GLIS3: variants seen among roughly 807,000 people sequenced by gnomAD.
The protein encoded by GLIS3 is GLIS family zinc finger 3.
A neutral mutation model predicts 78.6 loss-of-function variants in GLIS3; 53 were observed. That is an observed-to-expected ratio of 0.67 (90% CI 0.54 to 0.85). GLIS3 has a LOEUF of 0.85. Among genes scored for constraint, GLIS3 ranks in the 40% least tolerant of loss-of-function variants. The pLI, the probability that GLIS3 is intolerant of heterozygous loss-of-function variation, is 0.00. For synonymous variants in GLIS3, 684 were observed against 509.9 expected (o/e 1.34, Z -4.60); for missense variants, 1,703 against 1,231.1 (o/e 1.38, Z -5.74).
intron 4 of GLIS3, among the ~76,000 whole-genome samples, chr9:3,993,955 C>A (rs540539342): frequency 6.6e-6 from 1 of 152,108 alleles, no homozygotes; most frequent in Non-Finnish European, 1.5e-5. Context: ...CCAGGCTTCC[C>A]AGGAGCAGTC....
intron 2 of GLIS3, among the ~76,000 whole-genome samples, chr9:4,155,520 T>C (rs1024863819): frequency 2.0e-5 from 3 of 152,240 alleles, no homozygotes; most frequent in Non-Finnish European, 4.4e-5. Flanking sequence ...CTCAAAACGT[T>C]TGTGCCTTCA....
At chr9:4,402,078 G>C in the GLIS3 span, among the ~76,000 whole-genome samples, 3 of 152,172 alleles carry the variant, frequency 2.0e-5, no homozygotes, top group Non-Finnish European at 4.4e-5. Flanking sequence ...GTCTTAAAAG[G>C]AAAGGCCTTG....
intron 2 of GLIS3, among the ~76,000 whole-genome samples, chr9:4,263,483 G>C (rs185679736): frequency 3.1e-4 from 47 of 149,306 alleles, no homozygotes; most frequent in Admixed American, 1.8e-3. Flanking sequence ...GAAAAATAAA[G>C]TCTAAGACAA....
intron 4 of GLIS3, among the ~76,000 whole-genome samples, chr9:3,952,840 TA>T (rs1816793011): frequency 2.6e-5 from 4 of 152,068 alleles, no homozygotes; most frequent in South Asian, 4.2e-4. Flanking sequence ...GCTACATTTC[TA>T]AAAAAAACTC....
At chr9:4,105,276 G>C (rs1314559955) in intron 4 of GLIS3, among the ~76,000 whole-genome samples, 1 of 152,138 alleles carries the variant, frequency 6.6e-6, no homozygotes, top group Non-Finnish European at 1.5e-5. Flanking sequence ...CCCCATTGGA[G>C]ACACCTTCAA....
intron 2 of GLIS3, among the ~76,000 whole-genome samples, chr9:4,311,731 G>C (rs772118194): frequency 6.6e-6 from 1 of 152,152 alleles, no homozygotes; most frequent in Non-Finnish European, 1.5e-5. Flanking sequence ...ATAAAACACT[G>C]TCTTGTCCTG....
the GLIS3 span, among the ~76,000 whole-genome samples, chr9:4,453,687 T>G: frequency 6.6e-6 from 1 of 152,224 alleles, no homozygotes; most frequent in Non-Finnish European, 1.5e-5. Flanking sequence ...GATGAGTTCA[T>G]GTCCTTTGCA....
rs1385077263 is a variant in GLIS3, at chr9:4,286,073, T to C, written c.353A>G (p.Glu118Gly). The part of the protein sequence containing the change: ...GSHTLKPKQQ[E>G]FGSPFPPNPG... Reference sequence around the variant, plus strand: ...ATTTGGAGGAAAAGGGCTTCCAAACTCCTGCTGCTTTGGCTTTAAAGTATG... The same window carrying C: ...ATTTGGAGGAAAAGGGCTTCCAAACCCCTGCTGCTTTGGCTTTAAAGTATG... Residue 118 changes from glutamate (E) to glycine (G), a missense_variant, in exon 2 of 11, where the codon GAG becomes GGG. Glu to Gly is a moderately conservative substitution (Grantham distance 98, BLOSUM62 -2). Transcript: ENST00000381971. 2 of 1,613,708 alleles carry C rather than the reference T, an allele frequency of 1.2e-6. No individual in the cohort carries two copies. Among genetic ancestry groups the C allele is most frequent in the East Asian group, 2.2e-5 (1 of 44,882 alleles).
intron 4 of GLIS3, among the ~76,000 whole-genome samples, chr9:3,964,259 G>C (rs577726962): frequency 1.3e-5 from 2 of 152,118 alleles, no homozygotes; most frequent in African/African-American, 2.4e-5. Context: ...TCTGAAGCTC[G>C]GAGCAAGCTC....
intron 2 of GLIS3, among the ~76,000 whole-genome samples, chr9:4,261,869 T>TAG (rs1825563137): frequency 6.6e-6 from 1 of 152,150 alleles, no homozygotes; most frequent in Non-Finnish European, 1.5e-5. Flanking sequence ...TGGACTTCTT[T>TAG]GAGTTTTTAA....
chr9:4,380,971 A>C, the GLIS3 span, among the ~76,000 whole-genome samples: 1 of 152,168 alleles, frequency 6.6e-6, no homozygotes, highest in African/African-American at 2.4e-5. Flanking sequence ...TAAAATTAGA[A>C]GAAAAATGTG....
chr9:4,314,036 G>A (rs905837663), intron 2 of GLIS3, among the ~76,000 whole-genome samples: 1 of 152,234 alleles, frequency 6.6e-6, no homozygotes, highest in African/African-American at 2.4e-5. Flanking sequence ...CATATTGCCT[G>A]AGTTTAAGCC....
chr9:4,293,117 T>C (rs558783002), intron 1 of GLIS3, among the ~76,000 whole-genome samples: 1 of 152,214 alleles, frequency 6.6e-6, no homozygotes, highest in East Asian at 1.9e-4. Flanking sequence ...AGGAATAAAA[T>C]GTGGCAAATG....
At chr9:3,854,411 T>TG (rs1012077793) in intron 9 of GLIS3, among the ~76,000 whole-genome samples, 27 of 152,132 alleles carry the variant, frequency 1.8e-4, no homozygotes, top group African/African-American at 6.0e-4. Flanking sequence ...ACTGGGGAAG[T>TG]GGGGAGATGA....
At chr9:4,211,423 A>G (rs1191813309) in intron 2 of GLIS3, among the ~76,000 whole-genome samples, 1 of 152,160 alleles carries the variant, frequency 6.6e-6, no homozygotes, top group African/African-American at 2.4e-5. Context: ...CCTTGCCACC[A>G]TCTCACCCAT....
chr9:4,064,230 T>C (rs908257914), intron 4 of GLIS3, among the ~76,000 whole-genome samples: 4 of 151,950 alleles, frequency 2.6e-5, no homozygotes, highest in Non-Finnish European at 5.9e-5. Context: ...ATACAGTACA[T>C]AAAAATAAAT....
At chr9:3,948,254 C>T (rs57949232) in intron 4 of GLIS3, among the ~76,000 whole-genome samples, 31 of 152,344 alleles carry the variant, frequency 2.0e-4, no homozygotes, top group African/African-American at 6.5e-4. Flanking sequence ...ATTCTTTCCG[C>T]TTGCTCTTCT....
chr9:4,361,894 A>G, the GLIS3 span, among the ~76,000 whole-genome samples: 1 of 152,326 alleles, frequency 6.6e-6, no homozygotes, highest in East Asian at 1.9e-4. Flanking sequence ...TGAAGTTTGT[A>G]TGTTGTTTTT....
intron 4 of GLIS3, among the ~76,000 whole-genome samples, chr9:3,978,568 C>T (rs1818970911): frequency 6.6e-6 from 1 of 151,642 alleles, no homozygotes; most frequent in Non-Finnish European, 1.5e-5. Context: ...TGAATCAATC[C>T]CCTCTTGCTG....
Sources: gnomAD v4.1 joint callset for allele counts (sites outside exome capture counted in the v4.1 genomes callset) on GRCh38, gnomAD v4.1.1 for gene constraint, MANE v1.5 for transcripts, NCBI Gene and HGNC (gene_info 2026-07-23, HGNC 2026-07-21) for gene names.